ELFN1: variants seen among roughly 807,000 people sequenced by gnomAD.
ELFN1 encodes extracellular leucine rich repeat and fibronectin type III domain containing 1.
Under a neutral mutation model 7.6 loss-of-function variants are expected in ELFN1, and 6 were observed. The ratio of observed to expected loss-of-function variants is 0.79; its 90% CI spans 0.43 to 1.56. The LOEUF (loss-of-function observed/expected upper bound fraction) is 1.56, where lower values mean the gene tolerates loss of function less well. Ranked by LOEUF, ELFN1 falls within the 40% of genes most tolerant of loss-of-function variation. The pLI is 0.01. For synonymous variants in ELFN1, 657 were observed against 588.1 expected, an observed-to-expected ratio of 1.12 and a Z score of -1.70; for missense variants, 1,169 against 1,232.2, an observed-to-expected ratio of 0.95 and a Z score of 0.77.
At chr7:1,693,818 C>T (rs1289143552) in intron 2 of ELFN1, 1 of 468,426 alleles carries the variant, frequency 2.1e-6, no homozygotes, top group Non-Finnish European at 4.4e-6. Context: ...TGGGCCTCCC[C>T]AGGGACGGCT....
intron 1 of ELFN1, among the ~76,000 whole-genome samples, chr7:1,675,804 C>T (rs980065893): frequency 2.0e-5 from 3 of 152,204 alleles, no homozygotes; most frequent in Admixed American, 6.5e-5. Flanking sequence ...AGACACAGCC[C>T]GAAGTAGTGG....
intron 2 of ELFN1, among the ~76,000 whole-genome samples, chr7:1,708,725 C>G (rs1779588821): frequency 6.7e-6 from 1 of 148,264 alleles, no homozygotes; most frequent in African/African-American, 2.6e-5. Flanking sequence ...GGCTGTAGCC[C>G]CAGAAGTGAG....
chr7:1,672,730 T>C (rs992711324), intron 1 of ELFN1, among the ~76,000 whole-genome samples: 3 of 151,480 alleles, frequency 2.0e-5, no homozygotes, highest in African/African-American at 7.3e-5. Context: ...CAGGATCCCT[T>C]CCCCCCCGAC....
At chr7:1,714,429 C>G (rs984799727) in intron 3 of ELFN1, among the ~76,000 whole-genome samples, 2 of 152,226 alleles carry the variant, frequency 1.3e-5, no homozygotes, top group Non-Finnish European at 2.9e-5. Context: ...TACCGCCTTC[C>G]TCTAAATCCA....
chr7:1,702,839 G>A lies in ELFN1; in HGVS notation c.-455-6252G>A, dbSNP rs918721207. Among the ~76,000 whole-genome samples, 19 of 151,298 alleles carry A rather than the reference G, an allele frequency of 1.3e-4. 1 individual carries two copies. Among genetic ancestry groups the A allele is most frequent in the Non-Finnish European group, 8.8e-5 (6 of 68,042 alleles). ...TTCTTGCCTTATTGCAATGGCTGCA[G>A]CTACTAGCACCATGCTGAATCAGAG... On this transcript the variant is annotated intron_variant, in intron 2 of 3. Coordinates refer to ENST00000424383, the MANE Select transcript of ELFN1 (RefSeq NM_001128636.4).
chr7:1,721,827 C>T (rs1227332185), intron 3 of ELFN1, among the ~76,000 whole-genome samples: 1 of 152,164 alleles, frequency 6.6e-6, no homozygotes, highest in Non-Finnish European at 1.5e-5. Context: ...ACGAGAAGGC[C>T]CAAGCTCAAG....
rs1780741266 is a variant in ELFN1 at position 1,745,225 on chromosome 7, A to G, written c.629A>G (p.Asn210Ser). ...GFLRWLAAFT[N>S]ATQTYDRMQC... ...CTGCGCTGGCTGGCCGCCTTCACCA[A>G]CGCCACACAGACGTACGACCGCATG... Residue 210 changes from asparagine to serine, a missense_variant, in exon 4 of 4, where the codon AAC (asparagine) becomes AGC (serine). Coordinates refer to ENST00000424383, the MANE Select transcript of ELFN1 (RefSeq NM_001128636.4). The G allele has an allele frequency of 4.5e-6, 7 of 1,541,986 alleles. No homozygotes were observed. The highest frequency in any genetic ancestry group is 1.4e-5 in the African/African-American group (1 of 73,018).
At chr7:1,706,371 G>A (rs1447975383) in intron 2 of ELFN1, among the ~76,000 whole-genome samples, 1 of 152,178 alleles carries the variant, frequency 6.6e-6, no homozygotes, top group Non-Finnish European at 1.5e-5. Flanking sequence ...GCAGTGAGCC[G>A]AGATGGTACC....
intron 3 of ELFN1, among the ~76,000 whole-genome samples, chr7:1,711,694 C>T (rs1204518883): frequency 6.6e-6 from 1 of 151,830 alleles, no homozygotes; most frequent in Non-Finnish European, 1.5e-5. Flanking sequence ...TGTATTCATC[C>T]AGTCTGTGCT....
chr7:1,724,163 T>C (rs922542498), intron 3 of ELFN1, among the ~76,000 whole-genome samples: 73 of 152,286 alleles, frequency 4.8e-4, no homozygotes, highest in African/African-American at 1.7e-3. Context: ...ATCCAACATG[T>C]TAATATATGC....
At chr7:1,686,364 G>C (rs1487402855) in intron 1 of ELFN1, among the ~76,000 whole-genome samples, 2 of 147,606 alleles carry the variant, frequency 1.4e-5, no homozygotes, top group Non-Finnish European at 3.0e-5. Context: ...CCAGGCTGGA[G>C]TACAGTGGTG....
intron 1 of ELFN1, among the ~76,000 whole-genome samples, chr7:1,675,097 C>T (rs1038822046): frequency 2.3e-4 from 35 of 152,208 alleles, no homozygotes; most frequent in South Asian, 2.1e-4. Flanking sequence ...CGGCAGCCCA[C>T]GGCGTGGAGG....
chr7:1,734,428 T>C (rs1780391430), intron 3 of ELFN1, among the ~76,000 whole-genome samples: 1 of 152,196 alleles, frequency 6.6e-6, no homozygotes, highest in South Asian at 2.1e-4. Flanking sequence ...TTTGAGTCTC[T>C]AATTAACTCC....
At position 1,670,463 on chromosome 7, in the gene ELFN1, C is replaced by A. The variant is rs915016757; in HGVS notation, c.-549+109C>A. 6.6e-6 allele frequency among the ~76,000 whole-genome samples: 1 copy of A among 151,616 alleles called. No homozygotes were observed. Among genetic ancestry groups the A allele is most frequent in the African/African-American group, 2.4e-5 (1 of 41,282 alleles). ...CGCCACCTCGAACCCCGGGCGTCCCCGAGTGCGCAGCGTGCGCCCCCAGCC... is the reference window on the plus strand; with the variant it reads ...CGCCACCTCGAACCCCGGGCGTCCCAGAGTGCGCAGCGTGCGCCCCCAGCC... On this transcript the variant is annotated intron_variant, in intron 1 of 3. Coordinates refer to ENST00000424383, the MANE Select transcript of ELFN1 (RefSeq NM_001128636.4). This position sits in a 1 kb window ranked among gnomAD's most constrained non-coding sequence, Gnocchi z 6.4.
chr7:1,742,710 C>T (rs1418081849), intron 3 of ELFN1, among the ~76,000 whole-genome samples: 2 of 152,228 alleles, frequency 1.3e-5, no homozygotes, highest in Non-Finnish European at 2.9e-5. Flanking sequence ...GTTAGCTCCC[C>T]GAGGCCCGCT....
At chr7:1,712,204 G>T (rs1183745897) in intron 3 of ELFN1, among the ~76,000 whole-genome samples, 2 of 151,792 alleles carry the variant, frequency 1.3e-5, no homozygotes, top group Non-Finnish European at 2.9e-5. Context: ...TTTTCTTTGA[G>T]AAGGAGTCTC....
chr7:1,744,798 A>G lies in ELFN1; in HGVS notation c.202A>G (p.Asn68Asp). Reference sequence around the variant, plus strand: ...CAGCACCATCGTGGACCTGCGGCTCAACGAGAACCGTATCCGCAGCGTGCA... The same window carrying G: ...CAGCACCATCGTGGACCTGCGGCTCGACGAGAACCGTATCCGCAGCGTGCA... ...INSTIVDLRL[N>D]ENRIRSVQYA... is the part of the protein sequence containing the mutation. Residue 68 changes from asparagine (N) to aspartate (D), a missense_variant, in exon 4 of 4, where the codon AAC becomes GAC. By Grantham distance (23) the Asn-to-Asp change is conservative (BLOSUM62 1). Coordinates refer to ENST00000424383, the MANE Select transcript of ELFN1 (RefSeq NM_001128636.4). 6.4e-7 allele frequency: 1 copy of G among 1,558,296 alleles called. No individual in the cohort carries two copies. Among genetic ancestry groups the G allele is most frequent in the African/African-American group, 1.4e-5 (1 of 73,562 alleles).
chr7:1,698,735 C>A (rs1018923417), intron 2 of ELFN1, among the ~76,000 whole-genome samples: 23 of 152,138 alleles, frequency 1.5e-4, no homozygotes, highest in African/African-American at 5.6e-4. Flanking sequence ...GGTCTTTTTT[C>A]TTCTTTTGAG....
In ELFN1 at chr7:1,695,747, CAAAAAAAAAA is replaced by C. The variant is rs34132549; in HGVS notation, c.-456+7613_-456+7622del. On this transcript the variant is annotated intron_variant, in intron 2 of 3. Transcript: ENST00000424383. This position sits in a 1 kb window ranked among gnomAD's most constrained non-coding sequence, Gnocchi z 5.1. The stretch of plus-strand genomic sequence containing the variant: ...TGGGTGACAGAGCGAGACTCCGTGT[CAAAAAAAAAA>C]AAAAAAAAAAAAAAACCGTGCTGGT... Among the ~76,000 whole-genome samples the C allele has an allele frequency of 1.7e-4, 10 of 59,210 alleles. No homozygotes were observed. Among genetic ancestry groups the C allele is most frequent in the South Asian group, 8.4e-4 (1 of 1,186 alleles). 38.8% of individuals were successfully genotyped at this position (59,210 alleles called of 152,430 possible).
Sources: allele counts gnomAD v4.1 joint callset (sites outside exome capture counted in the v4.1 genomes callset), GRCh38; gene constraint gnomAD v4.1.1; non-coding constraint Gnocchi (gnomAD v3.1); transcripts MANE v1.5; gene names NCBI Gene and HGNC (gene_info 2026-07-23, HGNC 2026-07-21).